The following NAAA variants were observed in gnomAD, a reference collection of about 807,000 sequenced individuals.
The protein encoded by NAAA is N-acylethanolamine-hydrolyzing acid amidase.
Under a neutral mutation model 44.8 loss-of-function variants are expected in NAAA, and 39 were observed. The ratio of observed to expected loss-of-function variants is 0.87; its 90% CI spans 0.67 to 1.14. The LOEUF (loss-of-function observed/expected upper bound fraction) is 1.14. Ranked by LOEUF, NAAA falls within the 50% of genes most tolerant of loss-of-function variation. The probability of loss-of-function intolerance (pLI) is 0.00; values close to 1 mark genes in which losing one functional copy is unlikely to be tolerated. For synonymous variants in NAAA, 178 were observed against 191.3 expected (o/e 0.93, Z 0.58); for missense variants, 460 against 467.8 (o/e 0.98, Z 0.15).
At chr4:75,932,718 C>T (rs900684652) in intron 3 of NAAA, among the ~76,000 whole-genome samples, 3 of 151,776 alleles carry the variant, frequency 2.0e-5, no homozygotes, top group South Asian at 2.1e-4. Context: ...GGCCCAGGCT[C>T]GTCTCAAACT....
At chr4:75,914,378 ATTTTTTT>A (rs112092179) in intron 10 of NAAA, 40 bp from the exon 11 acceptor site, 1 of 666,920 alleles carries the variant, frequency 1.5e-6, no homozygotes, top group African/African-American at 2.1e-5. Context: ...TCAAAGACTG[ATTTTTTT>A]TTTTTTTTTA....
At chr4:75,917,550 C>T (rs1163168157) in intron 9 of NAAA, 2 of 173,028 alleles carry the variant, frequency 1.2e-5, no homozygotes, top group East Asian at 1.7e-4. Context: ...CTTGCAGCCT[C>T]GACTTCCCAG....
At chr4:75,920,552 G>A (rs949585907) in intron 7 of NAAA, among the ~76,000 whole-genome samples, 186 bp downstream of exon 7, 1 of 152,130 alleles carries the variant, frequency 6.6e-6, no homozygotes, top group Admixed American at 6.5e-5. Flanking sequence ...CAGCTGCTGA[G>A]AGGCTCTGCC....
downstream of NAAA, among the ~76,000 whole-genome samples, chr4:75,913,087 C>T (rs920393157): frequency 1.4e-5 from 2 of 147,454 alleles, no homozygotes; most frequent in Non-Finnish European, 2.9e-5. Flanking sequence ...TCCTTTTGTT[C>T]CCAAACATAG....
rs774230001 is a variant in NAAA, at chr4:75,931,224, A to G, written c.579T>C (p.Gly193=). The G allele has an allele frequency of 1.9e-6, 3 of 1,612,396 alleles. No homozygotes were observed. The Admixed American group carries it at 5.0e-5, about 27-fold the overall frequency. The change falls in exon 4 of 11, where the codon GGT becomes GGC. Residue 193 remains glycine (G), a synonymous_variant. Transcript: ENST00000286733. ...GTTTGTTTTGATTACCTCGTTCATCACCAGAAACTGTAAACTTGTGTGGGC... is the reference window on the plus strand; with the variant it reads ...GTTTGTTTTGATTACCTCGTTCATCGCCAGAAACTGTAAACTTGTGTGGGC... ...GQSPHKFTVS[G]DERDKGWWWE... is the part of the protein sequence containing the mutation.
At chr4:75,912,110 TAG>T (rs1388163927), downstream of NAAA, among the ~76,000 whole-genome samples, 1 of 152,168 alleles carries the variant, frequency 6.6e-6, no homozygotes, top group Admixed American at 6.5e-5. Context: ...GAAAAGCAAC[TAG>T]AGTGTTGGAT....
chr4:75,919,308 C>T (rs993637297), intron 8 of NAAA: 11 of 157,328 alleles, frequency 7.0e-5, no homozygotes, highest in African/African-American at 2.6e-4. Flanking sequence ...TCCCAAAGTG[C>T]TGGGATTATA....
At chr4:75,915,935 C>CTCT (rs1453014321) in intron 9 of NAAA, among the ~76,000 whole-genome samples, 5 of 152,204 alleles carry the variant, frequency 3.3e-5, no homozygotes, top group Non-Finnish European at 7.3e-5. Context: ...CTGGGTTGTT[C>CTCT]AGAAACAGGC....
rs1560525595 is a variant in NAAA, at chr4:75,940,853, CT to C, written c.96del (p.Ala33ArgfsTer6). ...GAGLSAASPP[A>X]APRFNVSLDS... Reference sequence around the variant, plus strand: ...TCCAGGCTCACGTTGAAGCGCGGCGCTGCTGGGGGCGAGGCGGCTGACAGCC... The same window carrying C: ...TCCAGGCTCACGTTGAAGCGCGGCGCGCTGGGGGCGAGGCGGCTGACAGCC... On this transcript the variant is annotated frameshift_variant, in exon 1 of 11. Coordinates refer to ENST00000286733, the MANE Select transcript of NAAA (RefSeq NM_014435.4). LOFTEE classifies it high-confidence loss of function. 6.3e-7 allele frequency: 1 copy of C among 1,584,204 alleles called. No homozygotes were observed. Among genetic ancestry groups the C allele is most frequent in the South Asian group, 1.1e-5 (1 of 88,964 alleles).
chr4:75,925,871 G>T, intron 4 of NAAA, 60 bp from the exon 5 acceptor site: 1 of 1,484,064 alleles, frequency 6.7e-7, no homozygotes, highest in Non-Finnish European at 9.4e-7. Flanking sequence ...ACATGAAACA[G>T]ATATGTTATT....
At position 75,936,252 on chromosome 4, in the gene NAAA, G is replaced by C. The variant is rs767786061; in HGVS notation, c.372-17C>G. On this transcript the variant is annotated splice_polypyrimidine_tract_variant and intron_variant, in intron 2 of 10. Transcript: ENST00000286733. ...GTGCAGAACCTGAGAAAAGGGAAAA[G>C]TCCAACATGAATGAATAAGACAAAT... The C allele has an allele frequency of 6.2e-7, 1 of 1,606,032 alleles. No individual in the cohort carries two copies. Among genetic ancestry groups the C allele is most frequent in the South Asian group, 1.1e-5 (1 of 89,530 alleles).
At chr4:75,926,272 C>T (rs949349634) in intron 4 of NAAA, among the ~76,000 whole-genome samples, 1 of 152,008 alleles carries the variant, frequency 6.6e-6, no homozygotes, top group Non-Finnish European at 1.5e-5. Context: ...CATTAAAAGA[C>T]AGTATTAGCC....
chr4:75,916,821 T>C (rs1426694976), intron 9 of NAAA, among the ~76,000 whole-genome samples: 2 of 126,392 alleles, frequency 1.6e-5, no homozygotes, highest in Admixed American at 2.1e-4. Context: ...GGAGTCTCCC[T>C]CTGTCGCCCA....
At chr4:75,917,894 C>T (rs1725779909) in intron 9 of NAAA, 3 of 249,984 alleles carry the variant, frequency 1.2e-5, no homozygotes, top group African/African-American at 2.3e-5. Flanking sequence ...TAAAAAAGAA[C>T]ATTAACTAAG....
At chr4:75,939,838 CA>C in intron 2 of NAAA, 162 bp downstream of exon 2, 1 of 709,508 alleles carries the variant, frequency 1.4e-6, no homozygotes, top group Non-Finnish European at 2.3e-6. Context: ...CTACGATGTG[CA>C]GCTCAGATTT....
chr4:75,914,894 T>C lies in NAAA; in HGVS notation c.*10A>G. The C allele has an allele frequency of 1.2e-6, 2 of 1,614,054 alleles. No homozygotes were observed. Among genetic ancestry groups the C allele is most frequent in the South Asian group, 2.2e-5 (2 of 91,076 alleles). On this transcript the variant is annotated 3_prime_UTR_variant, in exon 10 of 11. Coordinates refer to ENST00000286733, the MANE Select transcript of NAAA (RefSeq NM_014435.4). ...TTTCACAGCACGGGCGAACTCGCTC[T>C]TCTGCTGACTTACTTTCTACTCGGG... is the stretch of plus-strand genomic sequence containing the variant.
In NAAA at chr4:75,940,913, G is replaced by A; in HGVS notation, c.37C>T (p.Pro13Ser). 6.6e-7 allele frequency: 1 copy of A among 1,512,476 alleles called. No homozygotes were observed. The allele number at this position is 1,512,476 out of a possible 1,614,324, so 93.7% of individuals were successfully genotyped here. A position where few individuals can be genotyped will look rare whatever the true frequency, so the allele number is the denominator to read the frequency against. The change falls in exon 1 of 11, where the codon CCG (proline) becomes TCG (serine). Residue 13 changes from proline to serine, a missense_variant. Transcript: ENST00000286733. ...TADREARPGL[P>S]SLLLLLLAGA... ...GCCAGCAGCAGCAGCAGCAGGGACG[G>A]AAGCCCCGGGCGCGCCTCCCGGTCC... is the stretch of plus-strand genomic sequence containing the variant.
chr4:75,913,123 C>T (rs2047986), downstream of NAAA, among the ~76,000 whole-genome samples: 3 of 152,104 alleles, frequency 2.0e-5, no homozygotes, highest in South Asian at 2.1e-4. Context: ...GTTGCTTTAT[C>T]TTATGTAAAA....
intron 10 of NAAA, 26 bp downstream of exon 10, chr4:75,914,842 C>T (rs1383829833): frequency 6.4e-7 from 1 of 1,560,362 alleles, no homozygotes; most frequent in Non-Finnish European, 8.8e-7. Flanking sequence ...ACCTCACCCC[C>T]TCTCCACAAA....
Sources: gnomAD v4.1 joint callset for allele counts (sites outside exome capture counted in the v4.1 genomes callset) on GRCh38, gnomAD v4.1.1 for gene constraint, MANE v1.5 for transcripts, NCBI Gene and HGNC (gene_info 2026-07-23, HGNC 2026-07-21) for gene names.